Variants in ZNF438 observed in about 807,000 individuals in gnomAD.
ZNF438 encodes zinc finger protein 438.
In ZNF438, 25 loss-of-function variants were observed where a neutral mutation model predicts 38.0. That is an observed-to-expected ratio of 0.66 (90% CI 0.48 to 0.92). The LOEUF is 0.92. Ranked by LOEUF, ZNF438 falls within the 40% of genes least tolerant of loss-of-function variation. ZNF438 has a pLI of 0.00. For synonymous variants in ZNF438, 372 were observed against 364.1 expected (o/e 1.02, Z -0.25); for missense variants, 1,007 against 999.6 (o/e 1.01, Z -0.10).
At chr10:30,881,586 A>G (rs958383929) in intron 3 of ZNF438, among the ~76,000 whole-genome samples, 1 of 152,152 alleles carries the variant, frequency 6.6e-6, no homozygotes, top group Admixed American at 6.5e-5. Context: ...ATTCAATGTG[A>G]TCCTAATCAA....
intron 1 of ZNF438, among the ~76,000 whole-genome samples, chr10:30,994,959 A>C (rs1249969039): frequency 6.6e-6 from 1 of 151,868 alleles, no homozygotes; most frequent in Admixed American, 6.6e-5. Flanking sequence ...TTAAGCCTGC[A>C]GTGAGGTAGA....
At chr10:31,007,287 T>A (rs1166521869) in intron 1 of ZNF438, among the ~76,000 whole-genome samples, 1 of 148,354 alleles carries the variant, frequency 6.7e-6, no homozygotes, top group Middle Eastern at 3.4e-3. Context: ...TTTTTTTTTT[T>A]TTTTTTTTTT....
At chr10:30,858,881 G>C (rs1266253727) in intron 4 of ZNF438, among the ~76,000 whole-genome samples, 2 of 152,214 alleles carry the variant, frequency 1.3e-5, no homozygotes, top group East Asian at 3.9e-4. Context: ...TTTGAGATTT[G>C]TCTTGTCAAA....
At chr10:30,985,639 T>C (rs1245312995) in intron 1 of ZNF438, among the ~76,000 whole-genome samples, 1 of 152,228 alleles carries the variant, frequency 6.6e-6, no homozygotes, top group Non-Finnish European at 1.5e-5. Flanking sequence ...AATTGCTACT[T>C]AAAAATCAGT....
At chr10:30,982,098 T>C (rs1407479932) in intron 1 of ZNF438, among the ~76,000 whole-genome samples, 1 of 44,164 alleles carries the variant, frequency 2.3e-5, no homozygotes, top group Non-Finnish European at 4.5e-5. Flanking sequence ...TTTTTCTCTT[T>C]CTTTTTTTTT....
Position 31,006,322 on chromosome 10 carries a change from G to GCCAATGATTCAAT in ZNF438, c.-192+25498_-192+25510dup, listed in dbSNP as rs59636787. On this transcript the variant is annotated intron_variant, in intron 1 of 5. Coordinates refer to ENST00000413025, the Ensembl canonical transcript of ZNF438. ...CTGAAAGTTAAGTTGATCACCAACAGCCAATGATTCAATCAATCATGCCTA... is the reference window on the plus strand; with the variant it reads ...CTGAAAGTTAAGTTGATCACCAACAGCCAATGATTCAATCCAATGATTCAATCAATCATGCCTA... Among the ~76,000 whole-genome samples, 176 of 152,234 alleles carry GCCAATGATTCAAT rather than the reference G, an allele frequency of 1.2e-3. 1 individual carries two copies. Among genetic ancestry groups the GCCAATGATTCAAT allele is most frequent in the African/African-American group, 4.2e-3 (173 of 41,540 alleles).
intron 2 of ZNF438, among the ~76,000 whole-genome samples, chr10:30,936,169 G>GT (rs1271202866): frequency 6.6e-6 from 1 of 152,122 alleles, no homozygotes; most frequent in East Asian, 1.9e-4. Context: ...TATGACTTCG[G>GT]TTTTTTTAAA....
intron 1 of ZNF438, among the ~76,000 whole-genome samples, chr10:31,027,622 A>G (rs2057026562): frequency 6.6e-6 from 1 of 152,140 alleles, no homozygotes. Context: ...TTTACTTTAT[A>G]CCATATATGG....
At chr10:30,963,825 T>C (rs1192500100) in intron 1 of ZNF438, among the ~76,000 whole-genome samples, 1 of 152,010 alleles carries the variant, frequency 6.6e-6, no homozygotes, top group African/African-American at 2.4e-5. Context: ...AGGTTGCAGA[T>C]TGCAGCACTG....
intron 1 of ZNF438, among the ~76,000 whole-genome samples, chr10:31,031,363 T>C (rs2057281386): frequency 6.6e-6 from 1 of 152,154 alleles, no homozygotes; most frequent in African/African-American, 2.4e-5. Context: ...CAACTGGTTA[T>C]CTTATAAATG....
chr10:30,964,570 T>C (rs956016869), intron 1 of ZNF438, among the ~76,000 whole-genome samples: 26 of 152,224 alleles, frequency 1.7e-4, no homozygotes, highest in Non-Finnish European at 2.1e-4. Flanking sequence ...TGACGGACAT[T>C]AGTATTTTCC....
At chr10:31,032,202 T>C (rs1478564560), upstream of ZNF438, among the ~76,000 whole-genome samples, 2 of 152,230 alleles carry the variant, frequency 1.3e-5, no homozygotes, top group Non-Finnish European at 2.9e-5. Flanking sequence ...GCTGTCGCCC[T>C]GGGGGCTGGA....
At chr10:30,981,016 G>C (rs946572255) in intron 1 of ZNF438, among the ~76,000 whole-genome samples, 3 of 152,116 alleles carry the variant, frequency 2.0e-5, no homozygotes, top group Admixed American at 6.5e-5. Flanking sequence ...CCCATCCCTG[G>C]TCTCTGGCAT....
At chr10:30,984,673 T>G (rs1045439406) in intron 1 of ZNF438, among the ~76,000 whole-genome samples, 1 of 152,112 alleles carries the variant, frequency 6.6e-6, no homozygotes, top group Non-Finnish European at 1.5e-5. Context: ...AAAAAAGAAA[T>G]GCCACAATGA....
chr10:30,999,273 T>C (rs1313164114), intron 1 of ZNF438: 1 of 152,182 alleles, frequency 6.6e-6, no homozygotes, highest in Non-Finnish European at 1.5e-5. Context: ...TAACAGTTTT[T>C]CCTTGGGAAA....
At chr10:30,878,082 C>T (rs957908670) in intron 3 of ZNF438, among the ~76,000 whole-genome samples, 4 of 152,168 alleles carry the variant, frequency 2.6e-5, no homozygotes, top group Admixed American at 2.6e-4. Context: ...AAATTCTAGG[C>T]AGACAGGGGC....
chr10:30,884,917 A>G (rs1397830243), intron 3 of ZNF438, among the ~76,000 whole-genome samples: 1 of 152,218 alleles, frequency 6.6e-6, no homozygotes, highest in East Asian at 1.9e-4. Flanking sequence ...AATAACAGAA[A>G]ATAATTTGCT....
chr10:30,852,427 C>T (rs369990670), intron 4 of ZNF438, among the ~76,000 whole-genome samples: 1 of 151,998 alleles, frequency 6.6e-6, no homozygotes, highest in Non-Finnish European at 1.5e-5. Context: ...AGGCTGGTCT[C>T]GAACTCCCGA....
chr10:31,009,234 C>T (rs920923726), intron 1 of ZNF438, among the ~76,000 whole-genome samples: 3 of 152,180 alleles, frequency 2.0e-5, no homozygotes, highest in Admixed American at 6.5e-5. Flanking sequence ...CAGCTACTTG[C>T]ACTAGATAGA....
Sources: gnomAD v4.1 joint callset for allele counts (sites outside exome capture counted in the v4.1 genomes callset) on GRCh38, gnomAD v4.1.1 for gene constraint, MANE v1.5 for transcripts, NCBI Gene and HGNC (gene_info 2026-07-23, HGNC 2026-07-21) for gene names.